Variants in NTM observed in about 807,000 individuals in gnomAD.
NTM encodes IgLON family member 2.
NTM carries 13 observed loss-of-function variants against 42.1 expected under a neutral mutation model. That is an observed-to-expected ratio of 0.31 (90% confidence interval 0.20 to 0.49). The LOEUF (loss-of-function observed/expected upper bound fraction) is 0.49, where lower values mean the gene tolerates loss of function less well. Ranked by LOEUF, NTM falls within the 20% of genes least tolerant of loss-of-function variation. NTM has a pLI of 0.99. For synonymous variants in NTM, 187 were observed against 179.2 expected (o/e 1.04, Z -0.35); for missense variants, 373 against 452.8 (o/e 0.82, Z 1.60).
chr11:131,764,057 A>G (rs1291934269), intron 1 of NTM, among the ~76,000 whole-genome samples: 1 of 152,056 alleles, frequency 6.6e-6, no homozygotes, highest in Admixed American at 6.6e-5. Context: ...ATGCTAGGAG[A>G]CAGCAATAAT....
intron 4 of NTM, among the ~76,000 whole-genome samples, chr11:132,297,887 A>G (rs2094684797): frequency 1.3e-5 from 2 of 152,196 alleles, no homozygotes. Context: ...ACGTATGCAT[A>G]ATATTATTTC....
chr11:131,644,407 T>C (rs890065141), intron 1 of NTM, among the ~76,000 whole-genome samples: 1 of 152,148 alleles, frequency 6.6e-6, no homozygotes, highest in Non-Finnish European at 1.5e-5. Flanking sequence ...CCCAGGGAGT[T>C]TCCCATTCTG....
chr11:131,886,235 A>G (rs955768233), intron 1 of NTM, among the ~76,000 whole-genome samples: 6 of 152,130 alleles, frequency 3.9e-5, no homozygotes, highest in Admixed American at 2.0e-4. Flanking sequence ...TCTGTTTGTA[A>G]TGGTTCACGC....
At chr11:132,073,164 A>C (rs1369151062) in intron 2 of NTM, among the ~76,000 whole-genome samples, 1 of 152,106 alleles carries the variant, frequency 6.6e-6, no homozygotes, top group Non-Finnish European at 1.5e-5. Context: ...GGGTTTCCAA[A>C]CTAAGTGTCC....
chr11:131,880,983 A>G (rs1251711228), intron 1 of NTM, among the ~76,000 whole-genome samples: 1 of 152,230 alleles, frequency 6.6e-6, no homozygotes, highest in Non-Finnish European at 1.5e-5. Context: ...TTCCAGTGGT[A>G]ACCATTACTG....
chr11:131,787,854 T>C (rs766115199), intron 1 of NTM, among the ~76,000 whole-genome samples: 1 of 152,242 alleles, frequency 6.6e-6, no homozygotes, highest in East Asian at 1.9e-4. Context: ...GTTTCTACTT[T>C]CTAGATGAAT....
intron 6 of NTM, among the ~76,000 whole-genome samples, chr11:132,313,629 C>CATGATCGCCATAGGAATTGCTGTTA: frequency 6.6e-6 from 1 of 152,168 alleles, no homozygotes; most frequent in African/African-American, 2.4e-5. Flanking sequence ...AGGTGGTATC[C>CATGATCGCCATAGGAATTGCTGTTA]ATGATCGCCA....
At chr11:131,858,412 AG>A (rs768075184) in intron 1 of NTM, among the ~76,000 whole-genome samples, 3 of 151,966 alleles carry the variant, frequency 2.0e-5, no homozygotes, top group Non-Finnish European at 4.4e-5. Flanking sequence ...CTAAGAGCAG[AG>A]GGGAATGCTG....
intron 2 of NTM, among the ~76,000 whole-genome samples, chr11:132,052,270 A>G (rs559008386): frequency 6.6e-6 from 1 of 152,316 alleles, no homozygotes; most frequent in Non-Finnish European, 1.5e-5. Flanking sequence ...ATGAATGCTA[A>G]TTGGAACTCT....
intron 1 of NTM, among the ~76,000 whole-genome samples, chr11:131,429,861 G>T (rs1222342853): frequency 6.6e-6 from 1 of 152,170 alleles, no homozygotes; most frequent in Non-Finnish European, 1.5e-5. Flanking sequence ...TCCTTCAGAT[G>T]TGTCCCAAGG....
chr11:132,044,403 G>A (rs759277521), intron 2 of NTM, among the ~76,000 whole-genome samples: 2 of 152,126 alleles, frequency 1.3e-5, no homozygotes, highest in African/African-American at 2.4e-5. Context: ...GAGACACTGT[G>A]TGTTTTAGAG....
chr11:131,821,390 C>G (rs995966624), intron 1 of NTM, among the ~76,000 whole-genome samples: 1 of 152,144 alleles, frequency 6.6e-6, no homozygotes, highest in African/African-American at 2.4e-5. Flanking sequence ...GATCAGTTAC[C>G]CAGAGCTCTG....
At position 131,398,498 on chromosome 11, in the gene NTM, A is replaced by G. The variant is rs137952113; in HGVS notation, c.82+27610A>G. 2.5e-3 allele frequency among the ~76,000 whole-genome samples: 387 copies of G among 152,316 alleles called. 2 individuals carry two copies. The highest frequency in any genetic ancestry group is 4.5e-3 in the Non-Finnish European group (307 of 68,024). On this transcript the variant is annotated intron_variant, in intron 1 of 8. Transcript: ENST00000683400. The stretch of plus-strand genomic sequence containing the variant: ...CATTTTTTTCTTTTAAGAATAGATC[A>G]GAAACAATTTTCCATGTCGTTACAT...
At chr11:131,980,414 T>C (rs1300826101) in intron 2 of NTM, among the ~76,000 whole-genome samples, 1 of 152,194 alleles carries the variant, frequency 6.6e-6, no homozygotes, top group Non-Finnish European at 1.5e-5. Context: ...AAACACCCAC[T>C]TGGAAATGGA....
chr11:131,568,406 A>G (rs1381606467), intron 1 of NTM, among the ~76,000 whole-genome samples: 1 of 152,230 alleles, frequency 6.6e-6, no homozygotes, highest in African/African-American at 2.4e-5. Flanking sequence ...TAAGGCTTAG[A>G]AAAGCTAAGC....
chr11:132,139,218 G>C (rs1467445277), intron 2 of NTM, among the ~76,000 whole-genome samples: 1 of 152,188 alleles, frequency 6.6e-6, no homozygotes, highest in Non-Finnish European at 1.5e-5. Context: ...AGGCTCCACT[G>C]TCTGTGGCTC....
At chr11:131,691,775 C>T (rs2074785969) in intron 1 of NTM, among the ~76,000 whole-genome samples, 2 of 152,170 alleles carry the variant, frequency 1.3e-5, no homozygotes, top group Admixed American at 1.3e-4. Flanking sequence ...GCAGCGGTCC[C>T]GGGGCTGGGA....
rs773300816 is a variant in NTM, at chr11:132,134,733, A to C, written c.168-11549A>C. On this transcript the variant is annotated intron_variant, in intron 2 of 8. Transcript: ENST00000683400. Reference sequence around the variant, plus strand: ...TATATATATATATATATATATATATATATATATATATATATATATATATAT... The same window carrying C: ...TATATATATATATATATATATATATCTATATATATATATATATATATATAT... 6.4e-5 allele frequency among the ~76,000 whole-genome samples: 5 copies of C among 77,576 alleles called. 1 individual carries two copies. The highest frequency in any genetic ancestry group is 3.0e-4 in the East Asian group (1 of 3,370). 50.9% of individuals were successfully genotyped at this position (77,576 alleles called of 152,430 possible).
intron 2 of NTM, among the ~76,000 whole-genome samples, chr11:132,086,323 C>A (rs79141545): frequency 0.017 from 1,642 of 98,144 alleles, no homozygotes; most frequent in East Asian, 0.028. Context: ...GACTCCATGT[C>A]AAAAAAAAAA....
Sources: gnomAD v4.1 joint callset for allele counts (sites outside exome capture counted in the v4.1 genomes callset) on GRCh38, gnomAD v4.1.1 for gene constraint, MANE v1.5 for transcripts, NCBI Gene and HGNC (gene_info 2026-07-23, HGNC 2026-07-21) for gene names.